SLC30A8: variants seen among roughly 807,000 people sequenced by gnomAD.
SLC30A8 encodes solute carrier family 30 member 8.
In SLC30A8, 27 loss-of-function variants were observed where a neutral mutation model predicts 36.9. The ratio of observed to expected loss-of-function variants is 0.73; its 90% confidence interval spans 0.54 to 1.01. SLC30A8 has a LOEUF of 1.01. Ranked by LOEUF, SLC30A8 falls within the 50% of genes least tolerant of loss-of-function variation. The pLI is 0.00. For missense variants in SLC30A8, 439 were observed against 452.0 expected (o/e 0.97, Z 0.26); for synonymous variants, 164 against 172.4 (o/e 0.95, Z 0.38).
chr8:116,979,460 C>A (rs79397315), intron 1 of SLC30A8, among the ~76,000 whole-genome samples: 1,695 of 152,244 alleles, frequency 0.011, 27 homozygotes, highest in African/African-American at 0.039. Flanking sequence ...GGCTTCCATT[C>A]TGCCAAGGTT....
At chr8:117,100,445 T>C (rs1819659523) in intron 2 of SLC30A8, among the ~76,000 whole-genome samples, 1 of 152,176 alleles carries the variant, frequency 6.6e-6, no homozygotes, top group African/African-American at 2.4e-5. Context: ...TCTTTGAGGC[T>C]CTAAGCCCCC....
chr8:117,059,432 C>T (rs1487198489), intron 2 of SLC30A8, among the ~76,000 whole-genome samples: 2 of 152,198 alleles, frequency 1.3e-5, no homozygotes, highest in Non-Finnish European at 2.9e-5. Flanking sequence ...CAGTGAAAGC[C>T]AAGTTGCTGA....
In SLC30A8 at chr8:117,066,221, C is replaced by T. The variant is rs191470203; in HGVS notation, c.-226+26963C>T. The stretch of plus-strand genomic sequence containing the variant: ...TAGGCAAGCGCCTTCTTTCCACTGT[C>T]CTGTTGCTTTATTGGTCCTGGGCAG... On this transcript the variant is annotated intron_variant, in intron 2 of 10. Transcript: ENST00000427715. Among the ~76,000 whole-genome samples the T allele has an allele frequency of 3.9e-5, 6 of 152,282 alleles. No homozygotes were observed. The East Asian group carries it at 1.2e-3, about 29-fold the overall frequency.
chr8:116,951,083 G>C (rs1342302873), exon 1 of SLC30A8: 2 of 152,218 alleles, frequency 1.3e-5, no homozygotes, highest in Middle Eastern at 3.2e-3. Flanking sequence ...GGAATCTGAA[G>C]ACCCAGCTTT....
chr8:117,066,832 CTG>C (rs2130792975), intron 2 of SLC30A8, among the ~76,000 whole-genome samples: 1 of 152,164 alleles, frequency 6.6e-6, no homozygotes, highest in South Asian at 2.1e-4. Flanking sequence ...AAAGACAAAA[CTG>C]AGAAATAAAG....
chr8:117,168,307 A>G (rs554332382), intron 6 of SLC30A8, among the ~76,000 whole-genome samples: 1 of 152,122 alleles, frequency 6.6e-6, no homozygotes, highest in Non-Finnish European at 1.5e-5. Flanking sequence ...CATCACAACC[A>G]CTGAGTATTA....
intron 1 of SLC30A8, among the ~76,000 whole-genome samples, chr8:116,957,445 A>G (rs1469999938): frequency 6.6e-6 from 1 of 151,750 alleles, no homozygotes; most frequent in Non-Finnish European, 1.5e-5. Flanking sequence ...TAATTTTTGT[A>G]CTTTTAGTAG....
chr8:116,969,860 G>T (rs1814731940), intron 1 of SLC30A8, among the ~76,000 whole-genome samples: 1 of 152,164 alleles, frequency 6.6e-6, no homozygotes, highest in Non-Finnish European at 1.5e-5. Context: ...GAGTCAGTGA[G>T]TGAGTGGTGA....
intron 2 of SLC30A8, among the ~76,000 whole-genome samples, chr8:117,083,313 T>C (rs1462122682): frequency 6.6e-6 from 1 of 152,174 alleles, no homozygotes; most frequent in Non-Finnish European, 1.5e-5. Flanking sequence ...AGCTCTCAGC[T>C]GAGTTGCTCT....
intron 1 of SLC30A8, among the ~76,000 whole-genome samples, chr8:117,140,627 T>G (rs1233926585): frequency 6.6e-6 from 1 of 151,970 alleles, no homozygotes; most frequent in South Asian, 2.1e-4. Context: ...GAAATTCCTA[T>G]CAACCAATAA....
chr8:117,043,190 C>T (rs2130759977), intron 2 of SLC30A8, among the ~76,000 whole-genome samples: 1 of 152,314 alleles, frequency 6.6e-6, no homozygotes, highest in East Asian at 1.9e-4. Context: ...AGAGTTTTCA[C>T]TCCCAGTTAG....
chr8:116,967,928 A>G (rs566385874), intron 1 of SLC30A8, among the ~76,000 whole-genome samples: 4 of 152,302 alleles, frequency 2.6e-5, no homozygotes, highest in Admixed American at 2.0e-4. Flanking sequence ...GCAATGCAGT[A>G]TCATAAAAAA....
rs1441138511 is a variant in SLC30A8, at chr8:117,171,133, T to G, written c.929T>G (p.Met310Arg). The G allele has an allele frequency of 4.3e-6, 7 of 1,613,436 alleles. No homozygotes were observed. The highest frequency in any genetic ancestry group is 1.1e-5 in the South Asian group (1 of 91,074). ...VHSLHIWSLT[M>R]NQVILSAHVA... ...AGCCTGCACATCTGGTCTCTAACAA[T>G]GAATCAAGTAATTCTCTCAGCTCAT... The change falls in exon 7 of 8, where the codon ATG becomes AGG. Residue 310 changes from methionine (M) to arginine (R), a missense_variant. Physicochemically the swap from Met to Arg is moderately conservative, Grantham distance 91. Coordinates refer to ENST00000456015, the MANE Select transcript of SLC30A8 (RefSeq NM_173851.3).
rs541810465 is a variant in SLC30A8 at position 116,962,111 on chromosome 8, T to C, written c.-266+10992T>C. Among the ~76,000 whole-genome samples, 4 of 152,074 alleles carry C rather than the reference T, an allele frequency of 2.6e-5. No individual in the cohort carries two copies. The East Asian group carries it at 7.7e-4, about 29-fold the overall frequency. On this transcript the variant is annotated intron_variant, in intron 1 of 10. Coordinates refer to the SLC30A8 transcript ENST00000427715. ...TAATAGCAACAACAAAAAAGATAAT[T>C]TAATCTATTTCTGGTGTTCCATTGA...
chr8:117,055,981 G>A (rs1244409795), intron 2 of SLC30A8: 1 of 152,138 alleles, frequency 6.6e-6, no homozygotes, highest in Non-Finnish European at 1.5e-5. Flanking sequence ...TGATAATCTG[G>A]AAAGCAAGCA....
chr8:117,047,920 T>C (rs6469671), intron 2 of SLC30A8, among the ~76,000 whole-genome samples: 1,778 of 152,228 alleles, frequency 0.012, 49 homozygotes, highest in African/African-American at 0.04. Context: ...CTCCCACGAG[T>C]ACCTTGACAG....
intron 2 of SLC30A8, among the ~76,000 whole-genome samples, chr8:117,050,580 ATT>A (rs761389185): frequency 7.2e-5 from 11 of 151,810 alleles, no homozygotes; most frequent in Non-Finnish European, 1.5e-4. Flanking sequence ...TAATTTTTGT[ATT>A]TTTAGTAGAG....
intron 1 of SLC30A8, chr8:117,146,682 C>T (rs984157025): frequency 1.7e-5 from 8 of 458,380 alleles, no homozygotes; most frequent in South Asian, 1.6e-4. Context: ...CTTCTTTTCT[C>T]CTATTCCTTT....
At chr8:117,003,450 TA>T (rs1422607332) in intron 1 of SLC30A8, among the ~76,000 whole-genome samples, 1 of 152,146 alleles carries the variant, frequency 6.6e-6, no homozygotes, top group African/African-American at 2.4e-5. Flanking sequence ...AAAATGCACA[TA>T]AAGCTTTGTG....
Sources: allele counts gnomAD v4.1 joint callset (sites outside exome capture counted in the v4.1 genomes callset), GRCh38; gene constraint gnomAD v4.1.1; transcripts MANE v1.5; gene names NCBI Gene and HGNC (gene_info 2026-07-23, HGNC 2026-07-21).